The following RPH3A variants were observed in gnomAD, a reference collection of about 807,000 sequenced individuals.
RPH3A encodes rabphilin-3A.
RPH3A carries 48 observed loss-of-function variants against 102.2 expected under a neutral mutation model. The ratio of observed to expected loss-of-function variants is 0.47; its 90% CI spans 0.37 to 0.60. The LOEUF (loss-of-function observed/expected upper bound fraction) is 0.60. RPH3A is among the 20% of genes least tolerant of loss of function. The probability of loss-of-function intolerance (pLI) is 0.00; values close to 1 mark genes in which losing one functional copy is unlikely to be tolerated. For missense variants in RPH3A, 781 were observed against 910.1 expected (o/e 0.86, Z 1.83); for synonymous variants, 310 against 324.3 (o/e 0.96, Z 0.47).
intron 1 of RPH3A, among the ~76,000 whole-genome samples, chr12:112,604,450 C>T (rs1312299513): frequency 6.6e-6 from 1 of 152,192 alleles, no homozygotes; most frequent in African/African-American, 2.4e-5. Context: ...TATTCAGCAA[C>T]TACAACATGC....
chr12:112,656,595 C>T (rs755678530), intron 1 of RPH3A, among the ~76,000 whole-genome samples: 13 of 152,120 alleles, frequency 8.5e-5, no homozygotes, highest in Non-Finnish European at 1.6e-4. Context: ...TTTGGAGTCC[C>T]CAGTGTCTAT....
intron 1 of RPH3A, among the ~76,000 whole-genome samples, chr12:112,619,951 A>T (rs2135979630): frequency 6.6e-6 from 1 of 152,314 alleles, no homozygotes; most frequent in Admixed American, 6.5e-5. Context: ...GGCACAAGCT[A>T]AATAGTTCAC....
chr12:112,897,155 C>T lies in RPH3A; in HGVS notation c.*375C>T, dbSNP rs969585329. On this transcript the variant is annotated 3_prime_UTR_variant, in exon 22 of 22. Coordinates refer to ENST00000389385, the MANE Select transcript of RPH3A (RefSeq NM_001143854.2). ...TTGAACACACACATGTACACACACA[C>T]ACACACACACACACACACACCCTTT... The T allele has an allele frequency of 2.6e-5, 5 of 192,238 alleles. No individual in the cohort carries two copies. Among genetic ancestry groups the T allele is most frequent in the African/African-American group, 1.1e-4 (5 of 43,580 alleles). The allele number at this position is 192,238 out of a possible 1,614,324, so 11.9% of individuals were successfully genotyped here.
rs550254540 is a variant in RPH3A, at chr12:112,800,224, A to G, written c.-19+7961A>G. ...GGCGAGACTAACTTATAAAAACAGCAGCCAGTGGAGGCTGAGTTTCTAGGA... is the reference window on the plus strand; with the variant it reads ...GGCGAGACTAACTTATAAAAACAGCGGCCAGTGGAGGCTGAGTTTCTAGGA... On this transcript the variant is annotated intron_variant, in intron 2 of 21. Transcript: ENST00000389385. 5.3e-5 allele frequency among the ~76,000 whole-genome samples: 8 copies of G among 152,322 alleles called. No individual in the cohort carries two copies. In the East Asian group the frequency reaches 1.5e-3, roughly 29 times the overall value.
At chr12:112,663,978 G>T (rs2040067669) in intron 1 of RPH3A, among the ~76,000 whole-genome samples, 1 of 152,112 alleles carries the variant, frequency 6.6e-6, no homozygotes, top group Non-Finnish European at 1.5e-5. Context: ...GCTGGGTCTG[G>T]GTCAAAGGCC....
At chr12:112,809,004 G>A (rs897110639) in intron 2 of RPH3A, among the ~76,000 whole-genome samples, 6 of 152,044 alleles carry the variant, frequency 3.9e-5, no homozygotes, top group Admixed American at 1.3e-4. Context: ...GTTTGGATGG[G>A]GTCCTTGCAT....
At chr12:112,634,818 G>C (rs899687100) in intron 1 of RPH3A, among the ~76,000 whole-genome samples, 1 of 152,162 alleles carries the variant, frequency 6.6e-6, no homozygotes, top group Non-Finnish European at 1.5e-5. Context: ...TTGGGTGCTC[G>C]TGGAACTCTA....
rs534953284 is a variant in RPH3A at position 112,606,157 on chromosome 12, G to A, written c.-140+30838G>A. Among the ~76,000 whole-genome samples the A allele has an allele frequency of 2.6e-5, 4 of 152,164 alleles. No individual in the cohort carries two copies. The South Asian group carries it at 8.3e-4, about 32-fold the overall frequency. On this transcript the variant is annotated intron_variant, in intron 1 of 21. Transcript: ENST00000543106. Reference sequence around the variant, plus strand: ...TATGTACTGTGCTACATGAGCTCACGGTCTCGGAGATAATATTTTAATTTG... The same window carrying A: ...TATGTACTGTGCTACATGAGCTCACAGTCTCGGAGATAATATTTTAATTTG...
At position 112,740,461 on chromosome 12, in the gene RPH3A, G is replaced by C. The variant is rs1253686689; in HGVS notation, c.-139-51682G>C. Among the ~76,000 whole-genome samples, 6 of 152,268 alleles carry C rather than the reference G, an allele frequency of 3.9e-5. No individual in the cohort carries two copies. In the South Asian group the frequency reaches 8.3e-4, roughly 21 times the overall value. ...CTAAGCCTGGGAACTTAGTCTAACA[G>C]CTTTTGCCCTTCTCTCTTCCTCCTC... is the stretch of plus-strand genomic sequence containing the variant. On this transcript the variant is annotated intron_variant, in intron 1 of 21. Transcript: ENST00000543106.
chr12:112,681,102 T>A (rs901178547), intron 1 of RPH3A, among the ~76,000 whole-genome samples: 1 of 152,210 alleles, frequency 6.6e-6, no homozygotes, highest in African/African-American at 2.4e-5. Context: ...ACTGAGCATC[T>A]TCCTTCACAA....
chr12:112,653,145 C>G (rs1368304768), intron 1 of RPH3A, among the ~76,000 whole-genome samples: 18 of 152,118 alleles, frequency 1.2e-4, no homozygotes, highest in Non-Finnish European at 1.9e-4. Flanking sequence ...AATCCCAGCA[C>G]TTTGGGAGGC....
At chr12:112,585,263 T>C (rs1190230777) in intron 1 of RPH3A, among the ~76,000 whole-genome samples, 1 of 152,136 alleles carries the variant, frequency 6.6e-6, no homozygotes. Flanking sequence ...GACACAAATG[T>C]TATATCCATT....
chr12:112,664,203 G>T (rs1034912166), intron 1 of RPH3A, among the ~76,000 whole-genome samples: 2 of 152,182 alleles, frequency 1.3e-5, no homozygotes, highest in African/African-American at 4.8e-5. Flanking sequence ...CTTAAGCATG[G>T]AGTACATGTG....
chr12:112,863,258 C>T (rs953390008), intron 5 of RPH3A, among the ~76,000 whole-genome samples: 2 of 152,174 alleles, frequency 1.3e-5, no homozygotes, highest in Non-Finnish European at 1.5e-5. Context: ...GTGTCATCTG[C>T]GTGCATATTA....
At chr12:112,606,523 A>G (rs1006357764) in intron 1 of RPH3A, among the ~76,000 whole-genome samples, 2 of 151,972 alleles carry the variant, frequency 1.3e-5, no homozygotes, top group Non-Finnish European at 2.9e-5. Context: ...CTGGGATTAC[A>G]GTGCCCGCCA....
chr12:112,711,875 C>T (rs1005077576), intron 1 of RPH3A, among the ~76,000 whole-genome samples: 11 of 152,078 alleles, frequency 7.2e-5, no homozygotes, highest in African/African-American at 2.7e-4. Flanking sequence ...TCTTGTTGCC[C>T]AGGCTGGAGT....
At chr12:112,836,988 G>A (rs1259434923) in intron 4 of RPH3A, among the ~76,000 whole-genome samples, 3 of 152,332 alleles carry the variant, frequency 2.0e-5, no homozygotes, top group African/African-American at 7.2e-5. Flanking sequence ...CACCTTTGAA[G>A]CAGAGGCCCT....
intron 1 of RPH3A, among the ~76,000 whole-genome samples, chr12:112,600,389 T>C (rs1177686753): frequency 6.6e-6 from 1 of 152,216 alleles, no homozygotes; most frequent in Non-Finnish European, 1.5e-5. Flanking sequence ...CTGCCTGCCC[T>C]AAGTCCTTTT....
At chr12:112,742,813 G>A (rs114856036) in intron 1 of RPH3A, among the ~76,000 whole-genome samples, 265 of 152,286 alleles carry the variant, frequency 1.7e-3, no homozygotes, top group African/African-American at 5.6e-3. Flanking sequence ...TAATACATAT[G>A]CATTATCATC....
Sources: allele counts gnomAD v4.1 joint callset (sites outside exome capture counted in the v4.1 genomes callset), GRCh38; gene constraint gnomAD v4.1.1; transcripts MANE v1.5; gene names NCBI Gene and HGNC (gene_info 2026-07-23, HGNC 2026-07-21).